CDHR5: variants seen among roughly 807,000 people sequenced by gnomAD.
The protein encoded by CDHR5 is cadherin related family member 5.
In CDHR5, 82 loss-of-function variants were observed where a neutral mutation model predicts 69.5. That is an observed-to-expected ratio of 1.18 (90% confidence interval 0.99 to 1.42). The LOEUF (loss-of-function observed/expected upper bound fraction) is 1.42. Ranked by LOEUF, CDHR5 falls within the 40% of genes most tolerant of loss-of-function variation. The pLI is 0.00. For missense variants in CDHR5, 1,293 were observed against 1,168.9 expected, an observed-to-expected ratio of 1.11 and a Z score of -1.55; for synonymous variants, 601 against 510.2, an observed-to-expected ratio of 1.18 and a Z score of -2.40.
rs758663203 is a variant in CDHR5 at position 619,575 on chromosome 11, C to T, written c.1192G>A (p.Ala398Thr). The change falls in exon 11 of 15, where the codon GCC becomes ACC. Residue 398 changes from alanine (A) to threonine (T), a missense_variant. Physicochemically the swap from Ala to Thr is moderately conservative, Grantham distance 58 (BLOSUM62 0). Transcript: ENST00000397542. ...QDPEFSDLNS[A>T]ITYRITNHSH... ...TGGTTGGTAATTCGATATGTGATGG[C>T]CGAGTTGAGGTCCTGGACAGGGTCT... is the stretch of plus-strand genomic sequence containing the variant. 8.7e-6 allele frequency: 14 copies of T among 1,613,574 alleles called. No individual in the cohort carries two copies. The highest frequency in any genetic ancestry group is 6.7e-5 in the East Asian group (3 of 44,884).
At chr11:622,911 T>G (rs569403651) in intron 3 of CDHR5, among the ~76,000 whole-genome samples, 38 of 152,344 alleles carry the variant, frequency 2.5e-4, no homozygotes, top group Admixed American at 7.8e-4. Flanking sequence ...TTTGTTTGAA[T>G]CAGGGCCCAC....
chr11:619,639 C>G, intron 10 of CDHR5, 42 bp downstream of exon 10: 2 of 1,609,544 alleles, frequency 1.2e-6, no homozygotes, highest in Non-Finnish European at 1.7e-6. Context: ...ACGTACAGCC[C>G]TGACCCACCC....
In CDHR5 at chr11:621,864, T is replaced by C. The variant is rs750921888; in HGVS notation, c.353A>G (p.Asn118Ser). The C allele has an allele frequency of 6.2e-7, 1 of 1,613,726 alleles. No homozygotes were observed. The highest frequency in any genetic ancestry group is 2.2e-5 in the East Asian group (1 of 44,886). Residue 118 changes from asparagine (N) to serine (S), a missense_variant, in exon 4 of 15, where the codon AAT becomes AGT. Coordinates refer to ENST00000397542, the MANE Select transcript of CDHR5 (RefSeq NM_021924.5). The surrounding 1 kb of genome is among the most constrained non-coding windows in gnomAD (Gnocchi z 4.4). ...LRVFVSVLDV[N>S]DNAPEFPFKT... Reference sequence around the variant, plus strand: ...AAAGGGGAATTCGGGGGCATTGTCATTGACGTCCAGCACTGACACGAACAC... The same window carrying C: ...AAAGGGGAATTCGGGGGCATTGTCACTGACGTCCAGCACTGACACGAACAC...
At chr11:622,918 C>T (rs1036857862) in intron 3 of CDHR5, among the ~76,000 whole-genome samples, 1 of 152,146 alleles carries the variant, frequency 6.6e-6, no homozygotes, top group African/African-American at 2.4e-5. Context: ...GAATCAGGGC[C>T]CACATTATGG....
rs777394705 is a variant in CDHR5 at position 620,333 on chromosome 11, G to A, written c.843C>T (p.Arg281=). ...TGTAGATGATGGGCTGGTTGATGCC[G>A]CGGTCTCCGTCCTCAGCGTAGATGG... ...PGPIYAEDGD[R]GINQPIIYSI... The change falls in exon 8 of 15, where the codon CGC becomes CGT. Residue 281 remains arginine, a synonymous_variant. Coordinates refer to ENST00000397542, the MANE Select transcript of CDHR5 (RefSeq NM_021924.5). 1.4e-5 allele frequency: 23 copies of A among 1,612,584 alleles called. No individual in the cohort carries two copies. Among genetic ancestry groups the A allele is most frequent in the African/African-American group, 2.7e-5 (2 of 74,878 alleles).
In CDHR5 at chr11:620,106, CCTG is replaced by C. The variant is rs1857280430; in HGVS notation, c.936_938del (p.Arg313del). On this transcript the variant is annotated inframe_deletion, in exon 9 of 15. Coordinates refer to ENST00000397542, the MANE Select transcript of CDHR5 (RefSeq NM_021924.5). ...GGAAGGTCATGGGGCTGGGGACACT[CCTG>C]GCCACGGTGAGGTTGCCCGAGTCTG... 2 of 1,613,264 alleles carry C rather than the reference CCTG, an allele frequency of 1.2e-6. No homozygotes were observed. The highest frequency in any genetic ancestry group is 4.5e-5 in the East Asian group (2 of 44,846).
intron 3 of CDHR5, among the ~76,000 whole-genome samples, chr11:623,366 G>A (rs1468551759): frequency 1.3e-5 from 2 of 152,192 alleles, no homozygotes; most frequent in Admixed American, 6.5e-5. Context: ...GTGACGTGCC[G>A]TGGTGCATGG....
At chr11:622,165 G>A (rs1393820070) in intron 3 of CDHR5, among the ~76,000 whole-genome samples, 5 of 151,976 alleles carry the variant, frequency 3.3e-5, no homozygotes, top group Admixed American at 1.3e-4. Flanking sequence ...TGCACCCCTC[G>A]ACGGCCATCC....
chr11:620,969 G>A (rs1051444070), intron 7 of CDHR5, 111 bp downstream of exon 7: 20 of 701,152 alleles, frequency 2.9e-5, no homozygotes, highest in Non-Finnish European at 3.8e-5. Flanking sequence ...GACCGAAATC[G>A]GCCCCACCCC....
rs1228806973 is a variant in CDHR5 at position 618,672 on chromosome 11, A to G, written c.1887T>C (p.Gly629=). ...GCTCTGGGGTCTGTGCTGTGCCCCC[A>G]CCGGGTGTGGTTGGTTGGTGGGAGG... is the stretch of plus-strand genomic sequence containing the variant. ...TSTSHQPTTP[G]GGTAQTPEPG... Residue 629 remains glycine, a synonymous_variant, in exon 13 of 15, where the codon GGT becomes GGC. Transcript: ENST00000397542. 1 of 1,589,804 alleles carries G rather than the reference A, an allele frequency of 6.3e-7. No homozygotes were observed. The highest frequency in any genetic ancestry group is 1.1e-5 in the South Asian group (1 of 89,530).
rs184842479 is a variant in CDHR5, at chr11:619,015, G to C, written c.1544C>G (p.Ser515Trp). The C allele has an allele frequency of 1.0e-4, 164 of 1,613,324 alleles. No individual in the cohort carries two copies. The East Asian group carries it at 3.4e-3, about 34-fold the overall frequency. The change falls in exon 13 of 15, where the codon TCG becomes TGG. Residue 515 changes from serine to tryptophan, a missense_variant. Physicochemically the swap from Ser to Trp is radical, Grantham distance 177. Coordinates refer to ENST00000397542, the MANE Select transcript of CDHR5 (RefSeq NM_021924.5). ...ACCCGGGGGCCCCCCGGGTGTGGAC[G>C]AGGTTGGTGGCCTCAGAGTTGTGCC... is the stretch of plus-strand genomic sequence containing the variant. ...PSGTTLRPPT[S>W]STPGGPPGAE... is the part of the protein sequence containing the mutation.
rs1377297071 is a variant in CDHR5 at position 624,220 on chromosome 11, C to T, written c.305G>A (p.Gly102Asp). Residue 102 changes from glycine (G) to aspartate (D), a missense_variant, in exon 3 of 15, where the codon GGC becomes GAC. Transcript: ENST00000397542. The surrounding 1 kb of genome is among the most constrained non-coding windows in gnomAD (Gnocchi z 5.3). ...LEAQLLCQSGGTLVTQLRVFV... is the reference protein window; with the variant it reads ...LEAQLLCQSGDTLVTQLRVFV... The stretch of plus-strand genomic sequence containing the variant: ...AGCGGGGCGGGGACTCACCAATGTG[C>T]CTCCGCTCTGACACAGCAGCTGAGC... 3.9e-6 allele frequency: 3 copies of T among 766,282 alleles called. No homozygotes were observed. The highest frequency in any genetic ancestry group is 3.4e-5 in the African/African-American group (2 of 58,958). 47.5% of individuals were successfully genotyped at this position (766,282 alleles called of 1,614,324 possible).
In CDHR5 at chr11:619,844, T is replaced by A; in HGVS notation, c.1016A>T (p.Gln339Leu). The A allele has an allele frequency of 1.3e-6, 2 of 1,564,564 alleles. No individual in the cohort carries two copies. The highest frequency in any genetic ancestry group is 1.7e-6 in the Non-Finnish European group (2 of 1,159,172). The change falls in exon 10 of 15, where the codon CAG (glutamine) becomes CTG (leucine). Residue 339 changes from glutamine to leucine, a missense_variant. Transcript: ENST00000397542. ...QADLARYSVT[Q>L]VTVEAVAAAG... ...CGCAGCCACAGCCTCCACGGTGACC[T>A]GGGTCACTGAGTAGCGGGCAAGGTC...
chr11:617,958 G>T lies in CDHR5; in HGVS notation c.2114C>A (p.Ala705Asp), dbSNP rs774743294. ...GPRLKCCCGK[A>D]PEPQPQGFDN... ...GTTCTCCATCCTGGGCCTCACCGGAGCTTTGCCACAGCAGCACTTGAGCCG... is the reference window on the plus strand; with the variant it reads ...GTTCTCCATCCTGGGCCTCACCGGATCTTTGCCACAGCAGCACTTGAGCCG... The change falls in exon 14 of 15, where the codon GCT becomes GAT. Residue 705 changes from alanine (A) to aspartate (D), a missense_variant. By Grantham distance (126) the Ala-to-Asp change is moderately radical. Transcript: ENST00000397542. The T allele has an allele frequency of 2.7e-5, 44 of 1,610,974 alleles. No individual in the cohort carries two copies. The East Asian group carries it at 9.6e-4, about 35-fold the overall frequency.
Position 619,458 on chromosome 11 carries a change from C to G in CDHR5, c.1293+16G>C. The G allele has an allele frequency of 6.2e-7, 1 of 1,609,018 alleles. No homozygotes were observed. On this transcript the variant is annotated intron_variant, in intron 11 of 14. Coordinates refer to ENST00000397542, the MANE Select transcript of CDHR5 (RefSeq NM_021924.5). The stretch of plus-strand genomic sequence containing the variant: ...GCCCCACACCCTTGGAGATGCCCGC[C>G]TGCCCTGCCCCGCACCTCTGCGTAG...
At chr11:620,975 AC>A in intron 7 of CDHR5, 104 bp downstream of exon 7, 2 of 442,108 alleles carry the variant, frequency 4.5e-6, no homozygotes, top group Non-Finnish European at 3.9e-6. Context: ...AATCGGCCCC[AC>A]CCCCTGACCC....
At chr11:622,741 G>T (rs1415826816) in intron 3 of CDHR5, among the ~76,000 whole-genome samples, 1 of 152,088 alleles carries the variant, frequency 6.6e-6, no homozygotes, top group Non-Finnish European at 1.5e-5. Context: ...CTCCCAAAGT[G>T]CTGGGATTCC....
chr11:620,453 T>A, intron 7 of CDHR5, 67 bp from the exon 8 acceptor site: 1 of 1,131,956 alleles, frequency 8.8e-7, no homozygotes, highest in Non-Finnish European at 1.3e-6. Context: ...CTGGCCCCTC[T>A]GACTCCCCAT....
chr11:620,141 T>A lies in CDHR5; in HGVS notation c.904A>T (p.Ile302Phe). 1 of 1,613,592 alleles carries A rather than the reference T, an allele frequency of 6.2e-7. No individual in the cohort carries two copies. The highest frequency in any genetic ancestry group is 8.5e-7 in the Non-Finnish European group (1 of 1,179,772). ...GTGAGGTTGCCCGAGTCTGGGTGGATGATGAATGTACCATTCACGTTTCCT... is the reference window on the plus strand; with the variant it reads ...GTGAGGTTGCCCGAGTCTGGGTGGAAGATGAATGTACCATTCACGTTTCCT... ...FRGNVNGTFI[I>F]HPDSGNLTVA... Residue 302 changes from isoleucine (I) to phenylalanine (F), a missense_variant, in exon 9 of 15, where the codon ATC becomes TTC. Ile to Phe is a conservative substitution (Grantham distance 21). Coordinates refer to ENST00000397542, the MANE Select transcript of CDHR5 (RefSeq NM_021924.5).
Sources: gnomAD v4.1 joint callset for allele counts (sites outside exome capture counted in the v4.1 genomes callset) on GRCh38, gnomAD v4.1.1 for gene constraint, Gnocchi (gnomAD v3.1) non-coding constraint, MANE v1.5 for transcripts, NCBI Gene and HGNC (gene_info 2026-07-23, HGNC 2026-07-21) for gene names.